Variants in UBXN2B observed in about 807,000 individuals in gnomAD.
UBXN2B encodes the protein UBX domain protein 2B, also known as UBX domain-containing protein 2B.
In UBXN2B, 19 loss-of-function variants were observed where a neutral mutation model predicts 37.5. That is an observed-to-expected ratio of 0.51 (90% confidence interval 0.35 to 0.74). UBXN2B has a LOEUF of 0.74. Among genes scored for constraint, UBXN2B ranks in the 30% least tolerant of loss-of-function variants. UBXN2B has a pLI of 0.01. For missense variants in UBXN2B, 370 were observed against 393.2 expected (o/e 0.94, Z 0.50); for synonymous variants, 145 against 143.8 (o/e 1.01, Z -0.06).
At chr8:58,446,322 TAAG>T (rs1808666428) in intron 7 of UBXN2B, among the ~76,000 whole-genome samples, 1 of 152,136 alleles carries the variant, frequency 6.6e-6, no homozygotes, top group Non-Finnish European at 1.5e-5. Flanking sequence ...AAAAATAAAT[TAAG>T]AACTATAGTT....
At chr8:58,432,229 G>A (rs1563462918) in intron 3 of UBXN2B, among the ~76,000 whole-genome samples, 1 of 151,984 alleles carries the variant, frequency 6.6e-6, no homozygotes, top group Non-Finnish European at 1.5e-5. Flanking sequence ...TACATTTAAA[G>A]CTATGATCTA....
intron 1 of UBXN2B, among the ~76,000 whole-genome samples, chr8:58,413,960 G>A (rs1043440152): frequency 1.2e-4 from 18 of 152,238 alleles, no homozygotes; most frequent in Admixed American, 3.3e-4. Context: ...GTTCATTAAG[G>A]TATTTAGTTG....
intron 1 of UBXN2B, among the ~76,000 whole-genome samples, chr8:58,415,511 T>C (rs377018516): frequency 6.6e-6 from 1 of 151,944 alleles, no homozygotes; most frequent in East Asian, 1.9e-4. Context: ...TAAGGAGATA[T>C]AACACTGTAG....
At chr8:58,419,405 G>A (rs1807867510) in intron 2 of UBXN2B, among the ~76,000 whole-genome samples, 1 of 152,146 alleles carries the variant, frequency 6.6e-6, no homozygotes, top group African/African-American at 2.4e-5. Flanking sequence ...GTCATTTTAA[G>A]CCAAGACAGT....
intron 5 of UBXN2B, among the ~76,000 whole-genome samples, chr8:58,439,073 C>T (rs1433316436): frequency 2.6e-5 from 4 of 152,140 alleles, no homozygotes; most frequent in Non-Finnish European, 4.4e-5. Context: ...TCCCCTTTTG[C>T]CTTCCACTGT....
At chr8:58,425,099 C>G in intron 2 of UBXN2B, 1 of 792,888 alleles carries the variant, frequency 1.3e-6, no homozygotes. Context: ...ACTCCGTGGT[C>G]CGGCCAGGTC....
chr8:58,441,822 C>T (rs922010518), intron 6 of UBXN2B, among the ~76,000 whole-genome samples: 5 of 152,094 alleles, frequency 3.3e-5, no homozygotes, highest in Non-Finnish European at 4.4e-5. Context: ...ATTTACTAGC[C>T]ATATTGATCA....
chr8:58,428,569 T>C (rs1003014491), intron 2 of UBXN2B, among the ~76,000 whole-genome samples: 1 of 152,200 alleles, frequency 6.6e-6, no homozygotes, highest in East Asian at 1.9e-4. Flanking sequence ...CCTAAATCCT[T>C]TTAAGGCCCA....
chr8:58,420,837 A>G (rs12543440), intron 2 of UBXN2B, among the ~76,000 whole-genome samples: 40,890 of 152,124 alleles, frequency 0.27, 5,991 homozygotes, highest in Admixed American at 0.45. Context: ...ACAATAAACT[A>G]TATTTTGGAA....
intron 2 of UBXN2B, chr8:58,425,833 T>C: frequency 8.5e-7 from 1 of 1,177,664 alleles, no homozygotes; most frequent in Non-Finnish European, 1.3e-6. Flanking sequence ...CAACATCGTA[T>C]TTCAGTTCCT....
intron 4 of UBXN2B, 23 bp from the exon 5 acceptor site, chr8:58,434,361 ATATATATATTT>A: frequency 7.1e-6 from 4 of 561,706 alleles, no homozygotes; most frequent in Non-Finnish European, 9.8e-6. Context: ...ATATATATAT[ATATATATATTT>A]TTTTTTTTTC....
At chr8:58,442,002 G>A (rs1295244832) in intron 6 of UBXN2B, among the ~76,000 whole-genome samples, 1 of 152,174 alleles carries the variant, frequency 6.6e-6, no homozygotes, top group African/African-American at 2.4e-5. Context: ...ATGTCCCCTA[G>A]TCAGGTGCTT....
intron 5 of UBXN2B, among the ~76,000 whole-genome samples, chr8:58,437,437 C>T (rs142777492): frequency 2.7e-5 from 4 of 146,610 alleles, no homozygotes; most frequent in African/African-American, 2.5e-5. Context: ...AAGCAATTCT[C>T]CTGCCTCAGC....
chr8:58,438,620 A>G (rs1585615905), intron 5 of UBXN2B, among the ~76,000 whole-genome samples: 1 of 152,234 alleles, frequency 6.6e-6, no homozygotes, highest in Non-Finnish European at 1.5e-5. Context: ...CCCAATGCCT[A>G]TACCACCATT....
chr8:58,414,353 C>T (rs1272687315), intron 1 of UBXN2B, among the ~76,000 whole-genome samples: 3 of 152,118 alleles, frequency 2.0e-5, no homozygotes, highest in East Asian at 1.9e-4. Flanking sequence ...TTTATTACAG[C>T]GTCTAGAATT....
intron 1 of UBXN2B, among the ~76,000 whole-genome samples, chr8:58,411,742 G>T (rs1183398774): frequency 6.6e-6 from 1 of 152,194 alleles, no homozygotes; most frequent in African/African-American, 2.4e-5. Flanking sequence ...ACATTTTGCG[G>T]GGTCAGTTGG....
intron 5 of UBXN2B, among the ~76,000 whole-genome samples, chr8:58,438,416 A>C (rs190223815): frequency 1.3e-5 from 2 of 152,314 alleles, no homozygotes; most frequent in African/African-American, 4.8e-5. Flanking sequence ...CCCATGAGAG[A>C]AGCCACAGGG....
At position 58,449,416 on chromosome 8, in the gene UBXN2B, C is replaced by T. The variant is rs542859968; in HGVS notation, c.*1865C>T. 7 of 150,114 alleles carry T rather than the reference C, an allele frequency of 4.7e-5. No homozygotes were observed. The East Asian group carries it at 1.2e-3, about 26-fold the overall frequency. 9.3% of individuals were successfully genotyped at this position (150,114 alleles called of 1,614,324 possible). ...CATTATTACAGCATCAACTCTAAATCCAAAATCTTATCTGAGTCTCACCAA... is the reference window on the plus strand; with the variant it reads ...CATTATTACAGCATCAACTCTAAATTCAAAATCTTATCTGAGTCTCACCAA... On this transcript the variant is annotated 3_prime_UTR_variant, in exon 8 of 8. Transcript: ENST00000399598.
chr8:58,423,893 A>G (rs537004965), intron 2 of UBXN2B, among the ~76,000 whole-genome samples: 6 of 151,632 alleles, frequency 4.0e-5, no homozygotes, highest in Admixed American at 1.3e-4. Flanking sequence ...TCCCACCACA[A>G]CCTTCTCAGT....
Sources: gnomAD v4.1 joint callset for allele counts (sites outside exome capture counted in the v4.1 genomes callset) on GRCh38, gnomAD v4.1.1 for gene constraint, MANE v1.5 for transcripts, NCBI Gene and HGNC (gene_info 2026-07-23, HGNC 2026-07-21) for gene names.